The following RAVER1 variants were observed in gnomAD, a reference collection of about 807,000 sequenced individuals.
RAVER1 encodes ribonucleoprotein, PTB binding 1.
In RAVER1, 36 loss-of-function variants were observed where a neutral mutation model predicts 68.4. That is an observed-to-expected ratio of 0.53 (90% CI 0.40 to 0.70). RAVER1 has a LOEUF of 0.70. Ranked by LOEUF, RAVER1 falls within the 30% of genes least tolerant of loss-of-function variation. RAVER1 has a pLI of 0.00. For synonymous variants in RAVER1, 469 were observed against 472.7 expected (o/e 0.99, Z 0.10); for missense variants, 933 against 1,019.8 (o/e 0.91, Z 1.16).
At position 10,323,454 on chromosome 19, in the gene RAVER1, C is replaced by T; in HGVS notation, c.869G>A (p.Ser290Asn). The T allele has an allele frequency of 6.2e-7, 1 of 1,609,684 alleles. No homozygotes were observed. The highest frequency in any genetic ancestry group is 8.5e-7 in the Non-Finnish European group (1 of 1,179,378). ...GGCGCAGAAGGAGACTCGCAGGTGG[C>T]TGCCCCCCAGGGACAGGCCGTCCGC... ...QQADGLSLGG[S>N]HLRVSFCAPG... Residue 290 changes from serine (S) to asparagine (N), a missense_variant, in exon 4 of 13, where the codon AGC becomes AAC. By Grantham distance (46) the Ser-to-Asn change is conservative (BLOSUM62 1). This residue lies in a region of RAVER1 where 699 missense variants were observed against 731.1 expected (regional missense o/e 0.96). Transcript: ENST00000617231. This position sits in a 1 kb window ranked among gnomAD's most constrained non-coding sequence, Gnocchi z 6.2.
Position 10,322,734 on chromosome 19 carries a change from G to T in RAVER1, c.1084C>A (p.Leu362Met). 6.7e-7 allele frequency: 1 copy of T among 1,492,450 alleles called. No individual in the cohort carries two copies. Among genetic ancestry groups the T allele is most frequent in the East Asian group, 2.6e-5 (1 of 37,872 alleles). 92.5% of individuals were successfully genotyped at this position (1,492,450 alleles called of 1,614,324 possible). ...HGSAGGKQGLLGAPPAMPLLN... is the reference protein window; with the variant it reads ...HGSAGGKQGLMGAPPAMPLLN... Reference sequence around the variant, plus strand: ...AGCGGCATGGCTGGGGGGGCACCCAGGAGGCCTGGAGGGAGACATAGGAGG... The same window carrying T: ...AGCGGCATGGCTGGGGGGGCACCCATGAGGCCTGGAGGGAGACATAGGAGG... The change falls in exon 6 of 13, where the codon CTG (leucine) becomes ATG (methionine). Residue 362 changes from leucine (L) to methionine (M), a missense_variant. Physicochemically the swap from Leu to Met is conservative, Grantham distance 15. Transcript: ENST00000617231. The surrounding 1 kb of genome is among the most constrained non-coding windows in gnomAD (Gnocchi z 4.3).
chr19:10,317,721 G>T lies in RAVER1; in HGVS notation c.2042C>A (p.Pro681His). The T allele has an allele frequency of 6.3e-7, 1 of 1,596,262 alleles. No homozygotes were observed. Among genetic ancestry groups the T allele is most frequent in the Non-Finnish European group, 8.5e-7 (1 of 1,172,752 alleles). Reference protein sequence around the residue: ...GSGEGLLGLSPGPNGHSHLLK... With the variant: ...GSGEGLLGLSHGPNGHSHLLK... ...CAGGTGGCTGTGACCATTAGGCCCG[G>T]GGCTGAGGCCCAGGAGCCCTTCTCC... Residue 681 changes from proline (P) to histidine (H), a missense_variant, in exon 12 of 13, where the codon CCC becomes CAC. Around this residue, in one of 3 missense-constraint regions of RAVER1, gnomAD observed 699 missense variants for 731.1 expected, o/e 0.96. Coordinates refer to ENST00000617231, the MANE Select transcript of RAVER1 (RefSeq NM_133452.3). The surrounding 1 kb of genome is among the most constrained non-coding windows in gnomAD (Gnocchi z 4.3).
At chr19:10,321,427 C>T in intron 7 of RAVER1, 104 bp downstream of exon 7, 1 of 1,026,522 alleles carries the variant, frequency 9.7e-7, no homozygotes, top group Non-Finnish European at 1.3e-6. Flanking sequence ...AACTGATGGA[C>T]AAGGGCGCTG....
chr19:10,318,268 G>A lies in RAVER1; in HGVS notation c.1950C>T (p.Ser650=), dbSNP rs772904498. 1.9e-5 allele frequency: 30 copies of A among 1,605,440 alleles called. No homozygotes were observed. Among genetic ancestry groups the A allele is most frequent in the Admixed American group, 3.4e-5 (2 of 58,880 alleles). The change falls in exon 11 of 13, where the codon AGC becomes AGT. Residue 650 remains serine, a synonymous_variant. Coordinates refer to ENST00000617231, the MANE Select transcript of RAVER1 (RefSeq NM_133452.3). ...YSGSPTSYFT[S]GLQAGLKQSH... ...TCTGCTTGAGGCCAGCCTGCAGGCC[G>A]CTGGTGAAGTAGGAAGTGGGCGAGC...
rs1228026137 is a variant in RAVER1 at position 10,333,269 on chromosome 19, T to C, written c.219+20A>G. On this transcript the variant is annotated intron_variant, in intron 1 of 12. Coordinates refer to ENST00000617231, the MANE Select transcript of RAVER1 (RefSeq NM_133452.3). The surrounding 1 kb of genome is among the most constrained non-coding windows in gnomAD (Gnocchi z 4.2). Reference sequence around the variant, plus strand: ...ACCGTGGTATTTCCCGCCACGCTCCTACACCGCCCCCCCCAATACCTGGTT... The same window carrying C: ...ACCGTGGTATTTCCCGCCACGCTCCCACACCGCCCCCCCCAATACCTGGTT... 1.2e-6 allele frequency: 2 copies of C among 1,608,176 alleles called. No homozygotes were observed. Among genetic ancestry groups the C allele is most frequent in the Non-Finnish European group, 1.7e-6 (2 of 1,175,942 alleles).
Position 10,317,199 on chromosome 19 carries a change from G to C in RAVER1, c.*255C>G. The C allele has an allele frequency of 1.9e-6, 1 of 521,210 alleles. No homozygotes were observed. The highest frequency in any genetic ancestry group is 2.0e-5 in the African/African-American group (1 of 51,194). The allele number at this position is 521,210 out of a possible 1,614,324, so 32.3% of individuals were successfully genotyped here. On this transcript the variant is annotated 3_prime_UTR_variant, in exon 13 of 13. Transcript: ENST00000617231. The surrounding 1 kb of genome is among the most constrained non-coding windows in gnomAD (Gnocchi z 4.3). Reference sequence around the variant, plus strand: ...AGGAGGAGATGGGGGGAGGGAGGGAGAGCAGGCCGGGGCCCCTCTCTCTTA... The same window carrying C: ...AGGAGGAGATGGGGGGAGGGAGGGACAGCAGGCCGGGGCCCCTCTCTCTTA...
intron 3 of RAVER1, among the ~76,000 whole-genome samples, chr19:10,324,674 G>A (rs567152135): frequency 8.3e-4 from 127 of 152,188 alleles, no homozygotes; most frequent in Admixed American, 3.5e-3. Flanking sequence ...CACTGTGCCC[G>A]GCCATAAACA....
rs572964432 is a variant in RAVER1, at chr19:10,317,747, G to C, written c.2016C>G (p.Ser672=). The C allele has an allele frequency of 2.5e-6, 4 of 1,594,016 alleles. No homozygotes were observed. In the Admixed American group the frequency reaches 6.9e-5, roughly 27 times the overall value. The change falls in exon 12 of 13, where the codon TCC becomes TCG. Residue 672 remains serine (S), a synonymous_variant. Coordinates refer to ENST00000617231, the MANE Select transcript of RAVER1 (RefSeq NM_133452.3). The surrounding 1 kb of genome is among the most constrained non-coding windows in gnomAD (Gnocchi z 4.3). ...SKAIGSSPLG[S]GEGLLGLSPG... is the part of the protein sequence containing the mutation. ...GGCTGAGGCCCAGGAGCCCTTCTCC[G>C]GACCCCAGCGGGGAAGAGCCGATTG...
Position 10,320,640 on chromosome 19 carries a change from C to T in RAVER1, c.1770+15G>A. 6.5e-7 allele frequency: 1 copy of T among 1,543,272 alleles called. No individual in the cohort carries two copies. Among genetic ancestry groups the T allele is most frequent in the Non-Finnish European group, 8.7e-7 (1 of 1,146,950 alleles). On this transcript the variant is annotated intron_variant, in intron 9 of 12. Coordinates refer to ENST00000617231, the MANE Select transcript of RAVER1 (RefSeq NM_133452.3). ...TTTGGCCTTAGGGGACAGAGAGCTG[C>T]AGCCAGGCACTCACCGAGGGGTAGT...
chr19:10,325,372 A>AT (rs1018319705), intron 3 of RAVER1, among the ~76,000 whole-genome samples: 2 of 151,810 alleles, frequency 1.3e-5, no homozygotes, highest in Non-Finnish European at 2.9e-5. Context: ...CCACAGGCAC[A>AT]TGCCACCACA....
chr19:10,317,649 G>C lies in RAVER1; in HGVS notation c.2073+41C>G. 3 of 1,526,946 alleles carry C rather than the reference G, an allele frequency of 2.0e-6. No homozygotes were observed. The highest frequency in any genetic ancestry group is 1.2e-5 in the South Asian group (1 of 85,176). The allele number at this position is 1,526,946 out of a possible 1,614,324, so 94.6% of individuals were successfully genotyped here. A position where few individuals can be genotyped will look rare whatever the true frequency, so the allele number is the denominator to read the frequency against. Reference sequence around the variant, plus strand: ...GCGGGTCAGGGGCCGCTGGGGGGCCGGGGCTTCCCAGCCCTGCATGTCCCC... The same window carrying C: ...GCGGGTCAGGGGCCGCTGGGGGGCCCGGGCTTCCCAGCCCTGCATGTCCCC... On this transcript the variant is annotated intron_variant, in intron 12 of 12. Coordinates refer to ENST00000617231, the MANE Select transcript of RAVER1 (RefSeq NM_133452.3). This position sits in a 1 kb window ranked among gnomAD's most constrained non-coding sequence, Gnocchi z 4.3.
At position 10,316,285 on chromosome 19, in the gene RAVER1, GGAATAGTCCCC is replaced by G. The variant is rs1046808239; in HGVS notation, c.*1158_*1168del. ...GTGGGGAGACTGGGGTGGGGTCGGG[GGAATAGTCCCC>G]TTGGAGTGGATGTGGACCCCCAGAG... On this transcript the variant is annotated 3_prime_UTR_variant, in exon 13 of 13. Coordinates refer to ENST00000617231, the MANE Select transcript of RAVER1 (RefSeq NM_133452.3). The G allele has an allele frequency of 5.6e-6, 7 of 1,256,216 alleles. No homozygotes were observed. The African/African-American group carries it at 1.1e-4, about 20-fold the overall frequency. The allele number at this position is 1,256,216 out of a possible 1,614,324, so 77.8% of individuals were successfully genotyped here.
chr19:10,326,605 T>A (rs2040476151), intron 3 of RAVER1, among the ~76,000 whole-genome samples: 1 of 151,580 alleles, frequency 6.6e-6, no homozygotes, highest in South Asian at 2.1e-4. Context: ...GCGCCATGCC[T>A]GGCTACCTTT....
In RAVER1 at chr19:10,320,819, G is replaced by C. The variant is rs757777173; in HGVS notation, c.1606C>G (p.Arg536Gly). 4 of 1,522,068 alleles carry C rather than the reference G, an allele frequency of 2.6e-6. No individual in the cohort carries two copies. The Admixed American group carries it at 9.6e-5, about 37-fold the overall frequency. The allele number at this position is 1,522,068 out of a possible 1,614,324, so 94.3% of individuals were successfully genotyped here. A position where few individuals can be genotyped will look rare whatever the true frequency, so the allele number is the denominator to read the frequency against. ...GTTGGGGGGCCCTCAGCTGGGCGGCGGCTTCTCCCGGCGCCTCCCCAGCCC... is the reference window on the plus strand; with the variant it reads ...GTTGGGGGGCCCTCAGCTGGGCGGCCGCTTCTCCCGGCGCCTCCCCAGCCC... ...ARGWGGAGRS[R>G]RPAEGPPTNP... The change falls in exon 9 of 13, where the codon CGC (arginine) becomes GGC (glycine). Residue 536 changes from arginine to glycine, a missense_variant. Arg to Gly is a moderately radical substitution (Grantham distance 125). Around this residue, in one of 3 missense-constraint regions of RAVER1, gnomAD observed 699 missense variants for 731.1 expected, o/e 0.96. Transcript: ENST00000617231.
chr19:10,322,604 A>G lies in RAVER1; in HGVS notation c.1173+41T>C. ...ACCAGCTGTGTTGAAAAGAGCCTGTAGGGGCTGTAGAGCAGTGGGTGAGGG... is the reference window on the plus strand; with the variant it reads ...ACCAGCTGTGTTGAAAAGAGCCTGTGGGGGCTGTAGAGCAGTGGGTGAGGG... On this transcript the variant is annotated intron_variant, in intron 6 of 12. Coordinates refer to ENST00000617231, the MANE Select transcript of RAVER1 (RefSeq NM_133452.3). The surrounding 1 kb of genome is among the most constrained non-coding windows in gnomAD (Gnocchi z 4.3). 1 of 1,343,996 alleles carries G rather than the reference A, an allele frequency of 7.4e-7. No individual in the cohort carries two copies. The highest frequency in any genetic ancestry group is 1.0e-6 in the Non-Finnish European group (1 of 992,126). 83.3% of individuals were successfully genotyped at this position (1,343,996 alleles called of 1,614,324 possible).
Position 10,317,776 on chromosome 19 carries a change from G to A in RAVER1, c.1990-3C>T, listed in dbSNP as rs1568309444. 1 of 1,562,434 alleles carries A rather than the reference G, an allele frequency of 6.4e-7. No individual in the cohort carries two copies. Among genetic ancestry groups the A allele is most frequent in the East Asian group, 2.3e-5 (1 of 43,674 alleles). On this transcript the variant is annotated splice_region_variant and splice_polypyrimidine_tract_variant and intron_variant, in intron 11 of 12. Transcript: ENST00000617231. This position sits in a 1 kb window ranked among gnomAD's most constrained non-coding sequence, Gnocchi z 4.3. ...CCCAGCGGGGAAGAGCCGATTGCCT[G>A]GGAGAAATGGAGAGGTGGAACAGGT...
At position 10,328,975 on chromosome 19, in the gene RAVER1, G is replaced by C. The variant is rs780656689; in HGVS notation, c.423C>G (p.Pro141=). The part of the protein sequence containing the change: ...DALLCVANLP[P]SLTQQQFEEL... ...CCTCGAACTGCTGCTGTGTGAGGCT[G>C]GGGGGCAGGTTGGCCACACACAGCA... The change falls in exon 3 of 13, where the codon CCC becomes CCG. Residue 141 remains proline (P), a synonymous_variant. Coordinates refer to ENST00000617231, the MANE Select transcript of RAVER1 (RefSeq NM_133452.3). The surrounding 1 kb of genome is among the most constrained non-coding windows in gnomAD (Gnocchi z 4.4). The C allele has an allele frequency of 6.3e-7, 1 of 1,596,740 alleles. No individual in the cohort carries two copies. Among genetic ancestry groups the C allele is most frequent in the Non-Finnish European group, 8.6e-7 (1 of 1,169,102 alleles).
chr19:10,316,241 T>C lies in RAVER1; in HGVS notation c.*1213A>G. 4.4e-6 allele frequency: 6 copies of C among 1,358,902 alleles called. No individual in the cohort carries two copies. The highest frequency in any genetic ancestry group is 4.7e-6 in the Non-Finnish European group (5 of 1,062,650). The allele number at this position is 1,358,902 out of a possible 1,614,324, so 84.2% of individuals were successfully genotyped here. Reference sequence around the variant, plus strand: ...TTTAAAACCATTTACTTACAAACTTTAATTCAGCAAAGGTCCGTGTGGGGA... The same window carrying C: ...TTTAAAACCATTTACTTACAAACTTCAATTCAGCAAAGGTCCGTGTGGGGA... On this transcript the variant is annotated 3_prime_UTR_variant, in exon 13 of 13. Coordinates refer to ENST00000617231, the MANE Select transcript of RAVER1 (RefSeq NM_133452.3).
rs1171427625 is a variant in RAVER1 at position 10,322,030 on chromosome 19, A to ATGTGTG, written c.1174-418_1174-413dup. ...CAGGACGGAGCATGGGTGTATGTCTATGTGTGTGTGTGTCTGTGTGTGTGT... is the reference window on the plus strand; with the variant it reads ...CAGGACGGAGCATGGGTGTATGTCTATGTGTGTGTGTGTGTGTGTCTGTGTGTGTGT... On this transcript the variant is annotated intron_variant, in intron 6 of 12. Coordinates refer to ENST00000617231, the MANE Select transcript of RAVER1 (RefSeq NM_133452.3). This position sits in a 1 kb window ranked among gnomAD's most constrained non-coding sequence, Gnocchi z 4.3. The ATGTGTG allele has an allele frequency of 1.8e-5, 3 of 164,298 alleles. No individual in the cohort carries two copies. The highest frequency in any genetic ancestry group is 3.9e-5 in the Non-Finnish European group (3 of 76,780). 10.2% of individuals were successfully genotyped at this position (164,298 alleles called of 1,614,324 possible). A position where few individuals can be genotyped will look rare whatever the true frequency, so the allele number is the denominator to read the frequency against.
Sources: gnomAD v4.1 joint callset for allele counts (sites outside exome capture counted in the v4.1 genomes callset) on GRCh38, gnomAD v4.1.1 for gene constraint, gnomAD v4.1.1 regional missense constraint, Gnocchi (gnomAD v3.1) non-coding constraint, MANE v1.5 for transcripts, NCBI Gene and HGNC (gene_info 2026-07-23, HGNC 2026-07-21) for gene names.